The following SYT16 variants were observed in gnomAD, a reference collection of about 807,000 sequenced individuals.
SYT16 encodes the protein synaptotagmin 16, also known as synaptotagmin-16.
Under a neutral mutation model 61.4 loss-of-function variants are expected in SYT16, and 42 were observed. That is an observed-to-expected ratio of 0.68 (90% CI 0.53 to 0.89). The LOEUF is 0.89. Among genes scored for constraint, SYT16 ranks in the 40% least tolerant of loss-of-function variants. The pLI is 0.00. For missense variants in SYT16, 804 were observed against 807.3 expected, an observed-to-expected ratio of 1.00 and a Z score of 0.05; for synonymous variants, 314 against 302.3, an observed-to-expected ratio of 1.04 and a Z score of -0.40.
chr14:62,059,006 T>A (rs1566807479), intron 3 of SYT16, among the ~76,000 whole-genome samples: 1 of 151,932 alleles, frequency 6.6e-6, no homozygotes, highest in East Asian at 1.9e-4. Flanking sequence ...CACTTATAAG[T>A]GGGAGCTAAA....
chr14:62,074,622 T>C (rs1265339236), intron 4 of SYT16, among the ~76,000 whole-genome samples: 2 of 152,226 alleles, frequency 1.3e-5, no homozygotes, highest in Non-Finnish European at 2.9e-5. Flanking sequence ...CGGGTTCTTA[T>C]GGCAGAGACA....
At chr14:62,047,888 T>A (rs2055068985) in intron 3 of SYT16, among the ~76,000 whole-genome samples, 1 of 152,248 alleles carries the variant, frequency 6.6e-6, no homozygotes, top group Non-Finnish European at 1.5e-5. Context: ...AGTATTTTAC[T>A]GAGGATTTTT....
At chr14:61,836,063 C>A (rs576604677) in intron 1 of SYT16, among the ~76,000 whole-genome samples, 1 of 152,130 alleles carries the variant, frequency 6.6e-6, no homozygotes, top group Non-Finnish European at 1.5e-5. Context: ...CCTGGTGGAG[C>A]GTAGCAATCA....
chr14:61,875,084 G>A (rs1026602091), intron 1 of SYT16, among the ~76,000 whole-genome samples: 1 of 152,152 alleles, frequency 6.6e-6, no homozygotes, highest in African/African-American at 2.4e-5. Flanking sequence ...AATTTTAGGC[G>A]TACTAAATCA....
At chr14:61,861,204 A>C (rs78076858) in intron 1 of SYT16, among the ~76,000 whole-genome samples, 11,854 of 152,278 alleles carry the variant, frequency 0.078, 542 homozygotes, top group Non-Finnish European at 0.1. Context: ...TTTTGTAGCC[A>C]TTAGAGCTCA....
At chr14:61,878,587 C>T (rs2047586392) in intron 1 of SYT16, among the ~76,000 whole-genome samples, 1 of 152,182 alleles carries the variant, frequency 6.6e-6, no homozygotes, top group Non-Finnish European at 1.5e-5. Flanking sequence ...ATCTGAGGGA[C>T]TTTGATTTGA....
rs111879453 is a variant in SYT16, at chr14:61,940,689, T to C, written c.-324-29443T>C. On this transcript the variant is annotated intron_variant, in intron 1 of 7. Coordinates refer to ENST00000683842, the MANE Select transcript of SYT16 (RefSeq NM_001367656.1). ...TAAAGTATAATAATTATTATTCTGC[T>C]TGTCTTTGTTCTGAGTAGCTTCCCT... Among the ~76,000 whole-genome samples the C allele has an allele frequency of 3.5e-3, 538 of 152,316 alleles. 2 individuals are homozygous for C. Among genetic ancestry groups the C allele is most frequent in the African/African-American group, 0.012 (511 of 41,578 alleles).
At chr14:62,002,556 A>G (rs1417692261) in intron 3 of SYT16, among the ~76,000 whole-genome samples, 1 of 152,022 alleles carries the variant, frequency 6.6e-6, no homozygotes, top group Non-Finnish European at 1.5e-5. Flanking sequence ...TCTCGGTCTT[A>G]GGCAATTGCT....
At chr14:61,945,855 C>CAAAAAAAA in intron 1 of SYT16, among the ~76,000 whole-genome samples, 1 of 64,490 alleles carries the variant, frequency 1.6e-5, no homozygotes, top group South Asian at 7.9e-4. Context: ...GACTCCGTCT[C>CAAAAAAAA]AAAAAAAAAA....
At chr14:61,869,562 G>A (rs894386693) in intron 1 of SYT16, among the ~76,000 whole-genome samples, 1 of 152,018 alleles carries the variant, frequency 6.6e-6, no homozygotes, top group African/African-American at 2.4e-5. Context: ...TCTTTGTGTT[G>A]TTGTCATACA....
intron 3 of SYT16, among the ~76,000 whole-genome samples, chr14:62,027,033 T>C (rs1246737725): frequency 6.6e-6 from 1 of 152,200 alleles, no homozygotes; most frequent in Non-Finnish European, 1.5e-5. Flanking sequence ...TTTATGATGC[T>C]GATGTCTTCA....
At position 62,011,872 on chromosome 14, in the gene SYT16, T is replaced by TACAC. The variant is rs1233473446; in HGVS notation, c.523+15331_523+15332insCACA. Among the ~76,000 whole-genome samples the TACAC allele has an allele frequency of 1.3e-3, 183 of 135,944 alleles. 2 individuals carry two copies. The highest frequency in any genetic ancestry group is 1.6e-3 in the Admixed American group (22 of 14,046). 89.2% of individuals were successfully genotyped at this position (135,944 alleles called of 152,430 possible). ...CTACCACAAGTCAGGGAACACTATA[T>TACAC]ATACACACACACACACACACACACA... On this transcript the variant is annotated intron_variant, in intron 3 of 7. Coordinates refer to ENST00000683842, the MANE Select transcript of SYT16 (RefSeq NM_001367656.1).
intron 3 of SYT16, among the ~76,000 whole-genome samples, chr14:62,065,856 G>A (rs866466226): frequency 6.6e-6 from 1 of 152,174 alleles, no homozygotes; most frequent in Non-Finnish European, 1.5e-5. Context: ...GAGGCATGAA[G>A]AGACTGGTCA....
intron 2 of SYT16, among the ~76,000 whole-genome samples, chr14:61,979,500 G>A (rs527566092): frequency 6.6e-6 from 1 of 152,104 alleles, no homozygotes; most frequent in Non-Finnish European, 1.5e-5. Flanking sequence ...TTTAGGCATG[G>A]CCTACTCAGA....
chr14:62,073,525 TA>T (rs1215220756), intron 4 of SYT16, among the ~76,000 whole-genome samples: 1 of 152,232 alleles, frequency 6.6e-6, no homozygotes, highest in African/African-American at 2.4e-5. Context: ...AGTCTGGATG[TA>T]AAAATTTTGT....
intron 1 of SYT16, among the ~76,000 whole-genome samples, chr14:61,863,266 G>A (rs1359182194): frequency 6.7e-6 from 1 of 150,062 alleles, no homozygotes; most frequent in East Asian, 1.9e-4. Context: ...CTGTTGTTCC[G>A]CAACCTCTCC....
intron 3 of SYT16, among the ~76,000 whole-genome samples, chr14:62,050,737 C>A (rs545838541): frequency 2.0e-5 from 3 of 152,280 alleles, no homozygotes; most frequent in African/African-American, 7.2e-5. Flanking sequence ...TGGAGGTCCA[C>A]GCCAGACCCT....
At chr14:61,921,854 T>C (rs574155840) in intron 1 of SYT16, among the ~76,000 whole-genome samples, 24 of 152,126 alleles carry the variant, frequency 1.6e-4, no homozygotes, top group Admixed American at 1.0e-3. Flanking sequence ...GAGCCAGTAA[T>C]AGTGCAGTGA....
At chr14:62,016,173 C>G (rs1199615408) in intron 3 of SYT16, among the ~76,000 whole-genome samples, 1 of 152,202 alleles carries the variant, frequency 6.6e-6, no homozygotes, top group African/African-American at 2.4e-5. Context: ...TAACTCTTCT[C>G]TGGCACTCCA....
Sources: gnomAD v4.1 joint callset for allele counts (sites outside exome capture counted in the v4.1 genomes callset) on GRCh38, gnomAD v4.1.1 for gene constraint, MANE v1.5 for transcripts, NCBI Gene and HGNC (gene_info 2026-07-23, HGNC 2026-07-21) for gene names.